The following MYH15 variants were observed in gnomAD, a reference collection of about 807,000 sequenced individuals.
MYH15 encodes the protein myosin-15.
In MYH15, 227 loss-of-function variants were observed where a neutral mutation model predicts 240.5. The observed-to-expected ratio is 0.94, with a 90% confidence interval of 0.85 to 1.05. The LOEUF is 1.05. Ranked by LOEUF, MYH15 falls within the 50% of genes least tolerant of loss-of-function variation. The pLI, the probability that MYH15 is intolerant of heterozygous loss-of-function variation, is 0.00. For missense variants in MYH15, 2,217 were observed against 2,247.5 expected, an observed-to-expected ratio of 0.99 and a Z score of 0.27; for synonymous variants, 785 against 796.7, an observed-to-expected ratio of 0.99 and a Z score of 0.25.
At chr3:108,406,468 G>A (rs1055723605) in intron 32 of MYH15, among the ~76,000 whole-genome samples, 2 of 152,056 alleles carry the variant, frequency 1.3e-5, no homozygotes, top group African/African-American at 2.4e-5. Flanking sequence ...AATTGCTAAC[G>A]CACACTCAAA....
chr3:108,471,907 T>C (rs1560403997), intron 12 of MYH15, among the ~76,000 whole-genome samples: 1 of 152,232 alleles, frequency 6.6e-6, no homozygotes. Context: ...CTGCTGTAGC[T>C]GCTATAAATT....
chr3:108,531,834 A>G (rs1211538418), upstream of MYH15, among the ~76,000 whole-genome samples: 3 of 151,758 alleles, frequency 2.0e-5, no homozygotes, highest in East Asian at 5.8e-4. Flanking sequence ...TAAATACTTT[A>G]TTACTAAGAA....
chr3:108,396,934 A>G (rs1184114962), intron 35 of MYH15, among the ~76,000 whole-genome samples: 2 of 152,158 alleles, frequency 1.3e-5, no homozygotes, highest in African/African-American at 4.8e-5. Flanking sequence ...CCTTGGGATT[A>G]TCCTTCACCT....
At chr3:108,396,617 G>A (rs751976633) in intron 35 of MYH15, among the ~76,000 whole-genome samples, 5 of 152,104 alleles carry the variant, frequency 3.3e-5, no homozygotes, top group Non-Finnish European at 7.3e-5. Flanking sequence ...GACAGTGGAT[G>A]AGTTACTTTT....
At chr3:108,528,165 C>A (rs1285270509) in intron 1 of MYH15, among the ~76,000 whole-genome samples, 2 of 152,042 alleles carry the variant, frequency 1.3e-5, no homozygotes, top group Non-Finnish European at 2.9e-5. Flanking sequence ...CATATTCAAA[C>A]CATACCAGTC....
the MYH15 span, among the ~76,000 whole-genome samples, chr3:108,542,880 C>G: frequency 7.4e-6 from 1 of 136,054 alleles, no homozygotes; most frequent in African/African-American, 2.8e-5. Context: ...TGATCTCGTT[C>G]CTTTTTTTTT....
chr3:108,523,909 AT>A (rs2083643921), intron 1 of MYH15, among the ~76,000 whole-genome samples: 1 of 151,718 alleles, frequency 6.6e-6, no homozygotes, highest in African/African-American at 2.4e-5. Context: ...TATTTTAATG[AT>A]TCTATGATAT....
At chr3:108,514,302 C>A (rs1431554129), upstream of MYH15, among the ~76,000 whole-genome samples, 2 of 151,802 alleles carry the variant, frequency 1.3e-5, no homozygotes, top group Non-Finnish European at 2.9e-5. Flanking sequence ...AGTGTAGTGC[C>A]TGTAGTTCTT....
intron 26 of MYH15, 131 bp from the exon 27 acceptor site, chr3:108,429,012 G>C (rs1225755997): frequency 1.1e-6 from 1 of 947,816 alleles, no homozygotes. Flanking sequence ...AGAATACACA[G>C]AAGTTAAGTG....
intron 30 of MYH15, among the ~76,000 whole-genome samples, chr3:108,411,685 T>C (rs1484063503): frequency 6.6e-6 from 1 of 152,212 alleles, no homozygotes; most frequent in Non-Finnish European, 1.5e-5. Flanking sequence ...TCCTGCAGGG[T>C]TGCTGGCAGT....
rs552650467 is a variant in MYH15 at position 108,499,263 on chromosome 3, T to C, written c.524+192A>G. 1.9e-3 allele frequency among the ~76,000 whole-genome samples: 295 copies of C among 152,278 alleles called. No individual in the cohort carries two copies. Among genetic ancestry groups the C allele is most frequent in the Non-Finnish European group, 2.9e-3 (195 of 68,024 alleles). On this transcript the variant is annotated intron_variant, in intron 5 of 40. Transcript: ENST00000693548. ...GAGGGAGGCAGACTAGCTGACCCCA[T>C]ATTTGGAGTCATCACTGACTAAAGC... is the stretch of plus-strand genomic sequence containing the variant.
chr3:108,448,554 A>T (rs558311753), intron 21 of MYH15, among the ~76,000 whole-genome samples: 1 of 152,178 alleles, frequency 6.6e-6, no homozygotes, highest in South Asian at 2.1e-4. Flanking sequence ...GATGATATAA[A>T]TATCTTTATA....
chr3:108,525,571 T>G (rs1013619181), intron 1 of MYH15, among the ~76,000 whole-genome samples: 3 of 152,148 alleles, frequency 2.0e-5, no homozygotes, highest in African/African-American at 7.2e-5. Flanking sequence ...AAGAATCAAT[T>G]GGGCCAAAAA....
chr3:108,385,249 C>T (rs1002444419), intron 38 of MYH15, among the ~76,000 whole-genome samples: 3 of 152,320 alleles, frequency 2.0e-5, no homozygotes, highest in African/African-American at 7.2e-5. Context: ...ATAAAAGCCA[C>T]ATATGCAAAA....
At position 108,447,972 on chromosome 3, in the gene MYH15, G is replaced by GT. The variant is rs562217673; in HGVS notation, c.2400-3078_2400-3077insA. On this transcript the variant is annotated intron_variant, in intron 21 of 40. Coordinates refer to ENST00000693548, the MANE Select transcript of MYH15 (RefSeq NM_014981.3). ...TGACATAAATAACATAAAATGTGGG[G>GT]ACAAGATAAGTTAAAATTAAGAGTT... Among the ~76,000 whole-genome samples, 305 of 152,118 alleles carry GT rather than the reference G, an allele frequency of 2.0e-3. 1 individual carries two copies. Among genetic ancestry groups the GT allele is most frequent in the Middle Eastern group, 0.01 (3 of 292 alleles).
At chr3:108,487,626 G>C (rs2083316338) in intron 9 of MYH15, among the ~76,000 whole-genome samples, 1 of 152,140 alleles carries the variant, frequency 6.6e-6, no homozygotes, top group African/African-American at 2.4e-5. Flanking sequence ...GACTGGGGCT[G>C]GGAAAGGAGG....
At position 108,439,721 on chromosome 3, in the gene MYH15, A is replaced by G. The variant is rs749499825; in HGVS notation, c.3075+16T>C. The G allele has an allele frequency of 1.3e-6, 2 of 1,549,758 alleles. No homozygotes were observed. The highest frequency in any genetic ancestry group is 1.7e-6 in the Non-Finnish European group (2 of 1,149,432). ...TGTAGACAGATAGATAACTAACCAG[A>G]TACACCGTTACTGACCTCATCAACT... On this transcript the variant is annotated intron_variant, in intron 24 of 40. Coordinates refer to ENST00000693548, the MANE Select transcript of MYH15 (RefSeq NM_014981.3).
At chr3:108,491,666 C>G (rs1243672394) in intron 9 of MYH15, among the ~76,000 whole-genome samples, 2 of 152,168 alleles carry the variant, frequency 1.3e-5, no homozygotes, top group Non-Finnish European at 2.9e-5. Context: ...GTCCCAAACA[C>G]TGCCTTCAAT....
chr3:108,412,833 T>C (rs764750583), intron 30 of MYH15, among the ~76,000 whole-genome samples: 1 of 152,152 alleles, frequency 6.6e-6, no homozygotes, highest in Non-Finnish European at 1.5e-5. Context: ...TTAACTTTAA[T>C]AATAACAAAA....
Sources: allele counts gnomAD v4.1 joint callset (sites outside exome capture counted in the v4.1 genomes callset), GRCh38; gene constraint gnomAD v4.1.1; transcripts MANE v1.5; gene names NCBI Gene and HGNC (gene_info 2026-07-23, HGNC 2026-07-21).